Variants in NDUFAF6 observed in about 807,000 individuals in gnomAD.
NDUFAF6 encodes NADH dehydrogenase (ubiquinone) complex I, assembly factor 6.
NDUFAF6 carries 45 observed loss-of-function variants against 40.8 expected under a neutral mutation model. That is an observed-to-expected ratio of 1.10 (90% CI 0.87 to 1.42). The LOEUF is 1.42. Ranked by LOEUF, NDUFAF6 falls within the 40% of genes most tolerant of loss-of-function variation. NDUFAF6 has a pLI of 0.00. For missense variants in NDUFAF6, 435 were observed against 418.5 expected, an observed-to-expected ratio of 1.04 and a Z score of -0.34; for synonymous variants, 185 against 155.9, an observed-to-expected ratio of 1.19 and a Z score of -1.39.
In NDUFAF6 at chr8:95,110,260, C is replaced by G. The variant is rs149711668; in HGVS notation, n.345-5276C>G. Among the ~76,000 whole-genome samples, 962 of 152,294 alleles carry G rather than the reference C, an allele frequency of 6.3e-3. 9 individuals carry two copies. Among genetic ancestry groups the G allele is most frequent in the Non-Finnish European group, 9.1e-3 (622 of 68,030 alleles). ...AGTATCTCGCCTACAACAAACTGCA[C>G]CAGGCAGAACATGCTTCAGCTTTTT... On this transcript the variant is annotated intron_variant and non_coding_transcript_variant, in intron 4 of 5. Transcript: ENST00000523184.
At chr8:94,928,660 T>G (rs1035113676) in intron 1 of NDUFAF6, 1 of 152,280 alleles carries the variant, frequency 6.6e-6, no homozygotes, top group African/African-American at 2.4e-5. Flanking sequence ...ATTCTGGCAC[T>G]TCATCACAGC....
chr8:95,085,479 A>G (rs2119588), intron 2 of NDUFAF6: 96,420 of 151,972 alleles, frequency 0.63, 31,563 homozygotes, highest in African/African-American at 0.79. Context: ...ACAGGCGGTG[A>G]TTAGGAACAG....
chr8:95,046,696 A>G (rs1039194941), intron 5 of NDUFAF6, among the ~76,000 whole-genome samples: 6 of 152,200 alleles, frequency 3.9e-5, no homozygotes, highest in African/African-American at 1.4e-4. Flanking sequence ...GAGGAGAAGA[A>G]ATGGAAGACT....
At chr8:94,987,799 C>G (rs1825999490) in intron 2 of NDUFAF6, among the ~76,000 whole-genome samples, 1 of 152,174 alleles carries the variant, frequency 6.6e-6, no homozygotes, top group African/African-American at 2.4e-5. Flanking sequence ...ATAATAAGTT[C>G]TAACAATGTT....
At chr8:94,981,129 AG>A (rs1825410330) in intron 2 of NDUFAF6, among the ~76,000 whole-genome samples, 2 of 152,238 alleles carry the variant, frequency 1.3e-5, no homozygotes, top group Admixed American at 1.3e-4. Context: ...GGTGCCTTTA[AG>A]AGATGATTAG....
chr8:94,924,896 C>T (rs190222749), intron 1 of NDUFAF6, among the ~76,000 whole-genome samples: 1 of 152,170 alleles, frequency 6.6e-6, no homozygotes, highest in Non-Finnish European at 1.5e-5. Context: ...GCGTGTGCCA[C>T]CATGCCTGGC....
At chr8:94,908,659 C>T (rs913721144) in intron 1 of NDUFAF6, among the ~76,000 whole-genome samples, 6 of 152,152 alleles carry the variant, frequency 3.9e-5, no homozygotes, top group African/African-American at 1.2e-4. Flanking sequence ...TGTGAGCCAC[C>T]GCTCGTGGCC....
chr8:94,952,764 A>G (rs948310933), intron 2 of NDUFAF6, among the ~76,000 whole-genome samples: 3 of 152,186 alleles, frequency 2.0e-5, no homozygotes, highest in African/African-American at 4.8e-5. Flanking sequence ...TGACTTTTGT[A>G]TGTTTGTCTT....
chr8:94,961,648 C>T (rs141875099), intron 1 of NDUFAF6, among the ~76,000 whole-genome samples: 3,313 of 152,280 alleles, frequency 0.022, 51 homozygotes, highest in African/African-American at 0.039. Context: ...TGGTCTCCAA[C>T]TTCTGACCTT....
chr8:95,021,712 C>T (rs1827698818), upstream of NDUFAF6, among the ~76,000 whole-genome samples: 1 of 152,162 alleles, frequency 6.6e-6, no homozygotes, highest in Non-Finnish European at 1.5e-5. Flanking sequence ...TATATTTGTT[C>T]TTTGACCTTT....
chr8:95,083,814 G>C (rs1425459186), intron 2 of NDUFAF6, among the ~76,000 whole-genome samples: 1 of 152,104 alleles, frequency 6.6e-6, no homozygotes, highest in Non-Finnish European at 1.5e-5. Context: ...ATTTCTAATG[G>C]AGACAAAGTC....
chr8:95,086,861 C>G (rs377658938), intron 2 of NDUFAF6, among the ~76,000 whole-genome samples: 2 of 152,272 alleles, frequency 1.3e-5, no homozygotes, highest in East Asian at 1.9e-4. Flanking sequence ...CCTCCGCCCC[C>G]CAAAGTGCTG....
In NDUFAF6 at chr8:95,008,858, C is replaced by T. The variant is rs190979477; in HGVS notation, c.-83-23137C>T. ...CTGAAAAACAATTTTCACTGACGTTCCATTTCATGTACATTTCATTACAAT... is the reference window on the plus strand; with the variant it reads ...CTGAAAAACAATTTTCACTGACGTTTCATTTCATGTACATTTCATTACAAT... On this transcript the variant is annotated intron_variant, in intron 2 of 9. Coordinates refer to the NDUFAF6 transcript ENST00000396111. Among the ~76,000 whole-genome samples, 382 of 152,220 alleles carry T rather than the reference C, an allele frequency of 2.5e-3. 4 individuals are homozygous for T. Among genetic ancestry groups the T allele is most frequent in the African/African-American group, 8.8e-3 (364 of 41,552 alleles).
intron 1 of NDUFAF6, among the ~76,000 whole-genome samples, chr8:94,937,786 C>T (rs1022309642): frequency 6.6e-6 from 1 of 152,088 alleles, no homozygotes; most frequent in Non-Finnish European, 1.5e-5. Flanking sequence ...TGGGGGTTAC[C>T]TAGACCCCAT....
chr8:95,018,283 T>C (rs28496357), intron 2 of NDUFAF6, among the ~76,000 whole-genome samples: 22,534 of 151,634 alleles, frequency 0.15, 1,727 homozygotes, highest in Middle Eastern at 0.25. Context: ...GCAATCCTCC[T>C]GCCTTGGCCT....
At chr8:94,915,546 G>A (rs1020728276) in intron 1 of NDUFAF6, among the ~76,000 whole-genome samples, 2 of 152,212 alleles carry the variant, frequency 1.3e-5, no homozygotes, top group African/African-American at 4.8e-5. Flanking sequence ...TGCAGGTGTT[G>A]TTTTGGTAGA....
intron 4 of NDUFAF6, among the ~76,000 whole-genome samples, chr8:95,112,630 C>T (rs999241920): frequency 6.6e-6 from 1 of 152,208 alleles, no homozygotes; most frequent in African/African-American, 2.4e-5. Context: ...TCCCTACACT[C>T]CTCTGTTACA....
chr8:94,953,758 C>T (rs987500846), upstream of NDUFAF6, among the ~76,000 whole-genome samples: 2 of 152,186 alleles, frequency 1.3e-5, no homozygotes, highest in African/African-American at 4.8e-5. Context: ...TTACATAAGC[C>T]ACACACTGCC....
At chr8:94,994,833 A>C (rs1826350587) in intron 2 of NDUFAF6, among the ~76,000 whole-genome samples, 1 of 152,178 alleles carries the variant, frequency 6.6e-6, no homozygotes, top group Admixed American at 6.5e-5. Flanking sequence ...TCAAAAAACC[A>C]AACCAAACCA....
Sources: allele counts gnomAD v4.1 joint callset (sites outside exome capture counted in the v4.1 genomes callset), GRCh38; gene constraint gnomAD v4.1.1; transcripts MANE v1.5; gene names NCBI Gene and HGNC (gene_info 2026-07-23, HGNC 2026-07-21).